RILPL2: variants seen among roughly 807,000 people sequenced by gnomAD.
RILPL2 encodes the protein RILP-like protein 2.
Under a neutral mutation model 22.2 loss-of-function variants are expected in RILPL2, and 19 were observed. The observed-to-expected ratio is 0.86, with a 90% CI of 0.60 to 1.25. The LOEUF (loss-of-function observed/expected upper bound fraction) is 1.25. RILPL2 is among the 50% of genes most tolerant of loss of function. The probability of loss-of-function intolerance (pLI) is 0.00; values close to 1 mark genes in which losing one functional copy is unlikely to be tolerated. For missense variants in RILPL2, 243 were observed against 263.6 expected (o/e 0.92, Z 0.54); for synonymous variants, 123 against 111.6 (o/e 1.10, Z -0.64).
intron 2 of RILPL2, among the ~76,000 whole-genome samples, chr12:123,427,909 A>G (rs1879488283): frequency 6.6e-6 from 1 of 152,198 alleles, no homozygotes. Context: ...TGCAGTTGCT[A>G]TGAGAACATC....
chr12:123,433,104 C>A (rs1879697689), intron 1 of RILPL2, among the ~76,000 whole-genome samples: 1 of 134,276 alleles, frequency 7.4e-6, no homozygotes. Context: ...GGTTTGTATA[C>A]TTTTTTTTTT....
intron 3 of RILPL2, among the ~76,000 whole-genome samples, chr12:123,420,250 C>T (rs1173211527): frequency 4.6e-5 from 7 of 151,806 alleles, no homozygotes; most frequent in Admixed American, 4.6e-4. Flanking sequence ...TGGTCTCGAT[C>T]TCCTGACCTC....
At chr12:123,432,213 A>G (rs1879672448) in intron 1 of RILPL2, among the ~76,000 whole-genome samples, 1 of 152,090 alleles carries the variant, frequency 6.6e-6, no homozygotes, top group Non-Finnish European at 1.5e-5. Context: ...CAATTTAAAA[A>G]ACCAAAAAGG....
chr12:123,419,731 G>A (rs1024302065), intron 3 of RILPL2, among the ~76,000 whole-genome samples: 4 of 149,786 alleles, frequency 2.7e-5, no homozygotes, highest in Admixed American at 6.7e-5. Flanking sequence ...TCAGCCTCCC[G>A]AGTAGCTGAA....
intron 1 of RILPL2, among the ~76,000 whole-genome samples, chr12:123,435,225 C>A (rs1343422636): frequency 6.6e-6 from 1 of 151,878 alleles, no homozygotes; most frequent in African/African-American, 2.4e-5. Context: ...TGCCTGGCTT[C>A]TTTCTCTCAA....
At chr12:123,429,680 C>T (rs111949502) in intron 2 of RILPL2, among the ~76,000 whole-genome samples, 360 of 151,642 alleles carry the variant, frequency 2.4e-3, no homozygotes, top group African/African-American at 8.0e-3. Context: ...GATCTCGGCT[C>T]ATTGCAACTT....
chr12:123,430,281 C>T (rs111923194), intron 2 of RILPL2, among the ~76,000 whole-genome samples: 1,608 of 151,346 alleles, frequency 0.011, 35 homozygotes, highest in African/African-American at 0.037. Context: ...CGGTGGCGGG[C>T]GCCTGTAGTC....
chr12:123,426,639 C>T (rs190071133), intron 2 of RILPL2, among the ~76,000 whole-genome samples: 11 of 152,008 alleles, frequency 7.2e-5, no homozygotes, highest in Non-Finnish European at 1.2e-4. Context: ...GTCTCGCTGT[C>T]GCCCAGGCTG....
chr12:123,426,387 A>G lies in RILPL2; in HGVS notation c.492-3230T>C, dbSNP rs140228328. On this transcript the variant is annotated intron_variant, in intron 2 of 3. Transcript: ENST00000280571. ...TGGTGTTGATTGAACTCCTGACCTCAGGTGATCCACCCACGTTGTCCTCCC... is the reference window on the plus strand; with the variant it reads ...TGGTGTTGATTGAACTCCTGACCTCGGGTGATCCACCCACGTTGTCCTCCC... Among the ~76,000 whole-genome samples the G allele has an allele frequency of 6.0e-3, 919 of 152,232 alleles. 7 individuals carry two copies. Among genetic ancestry groups the G allele is most frequent in the African/African-American group, 0.021 (861 of 41,540 alleles).
chr12:123,412,886 GC>G (rs1191542204), downstream of RILPL2: 1 of 152,232 alleles, frequency 6.6e-6, no homozygotes, highest in African/African-American at 2.4e-5. Context: ...TAGCTCCACA[GC>G]CAGAGTTTCA....
At chr12:123,434,668 T>C (rs1055299289) in intron 1 of RILPL2, among the ~76,000 whole-genome samples, 3 of 151,628 alleles carry the variant, frequency 2.0e-5, no homozygotes, top group Admixed American at 6.6e-5. Flanking sequence ...CCTTGTGATC[T>C]GCCCGCCTTG....
At chr12:123,429,615 T>G (rs28838663) in intron 2 of RILPL2, among the ~76,000 whole-genome samples, 45,039 of 147,532 alleles carry the variant, frequency 0.31, 7,310 homozygotes, top group South Asian at 0.5. Context: ...TTTTGTTTCG[T>G]TTTTTTTTTG....
intron 3 of RILPL2, among the ~76,000 whole-genome samples, chr12:123,417,883 C>A (rs963263447): frequency 6.6e-6 from 1 of 152,010 alleles, no homozygotes; most frequent in Admixed American, 6.6e-5. Flanking sequence ...CTGTGCCTGG[C>A]CTGTTCTGGG....
At chr12:123,416,914 G>A (rs1047655883) in intron 3 of RILPL2, among the ~76,000 whole-genome samples, 113 of 152,282 alleles carry the variant, frequency 7.4e-4, no homozygotes, top group African/African-American at 2.6e-3. Context: ...GACAGCCAAT[G>A]AAAGTCCTAA....
chr12:123,425,262 C>T (rs967528436), intron 2 of RILPL2, among the ~76,000 whole-genome samples: 4 of 151,900 alleles, frequency 2.6e-5, no homozygotes, highest in Admixed American at 2.0e-4. Flanking sequence ...CTGCAACCTC[C>T]GTTTCCCAGG....
chr12:123,422,287 C>T (rs1274711846), intron 3 of RILPL2, among the ~76,000 whole-genome samples: 7 of 151,842 alleles, frequency 4.6e-5, no homozygotes, highest in African/African-American at 1.7e-4. Flanking sequence ...CTTTGGGAGG[C>T]TGAGGCAGGT....
chr12:123,421,406 A>T (rs1446006997), intron 3 of RILPL2, among the ~76,000 whole-genome samples: 1 of 152,066 alleles, frequency 6.6e-6, no homozygotes, highest in Non-Finnish European at 1.5e-5. Flanking sequence ...ATCTCATCAA[A>T]TTAAACCCAA....
rs530491072 is a variant in RILPL2, at chr12:123,419,091, A to C, written c.606-3170T>G. Among the ~76,000 whole-genome samples the C allele has an allele frequency of 8.5e-4, 129 of 151,182 alleles. 3 individuals are homozygous for C. The highest frequency in any genetic ancestry group is 8.5e-3 in the Admixed American group (128 of 15,092). ...AGTGGCACGATCTCGGCTCACTGCAAGCTCTGCCTGCTGGGTTCACGCCAT... is the reference window on the plus strand; with the variant it reads ...AGTGGCACGATCTCGGCTCACTGCACGCTCTGCCTGCTGGGTTCACGCCAT... On this transcript the variant is annotated intron_variant, in intron 3 of 3. Coordinates refer to ENST00000280571, the MANE Select transcript of RILPL2 (RefSeq NM_145058.3).
intron 2 of RILPL2, among the ~76,000 whole-genome samples, chr12:123,425,433 C>A (rs971737331): frequency 1.3e-5 from 2 of 152,054 alleles, no homozygotes; most frequent in African/African-American, 4.8e-5. Context: ...CCTGCCTCAG[C>A]CTCCCAAAAT....
Sources: allele counts gnomAD v4.1 joint callset (sites outside exome capture counted in the v4.1 genomes callset), GRCh38; gene constraint gnomAD v4.1.1; transcripts MANE v1.5; gene names NCBI Gene and HGNC (gene_info 2026-07-23, HGNC 2026-07-21).